Variants in IQSEC1 observed in about 807,000 individuals in gnomAD.
The protein encoded by IQSEC1 is IQ motif and SEC7 domain-containing protein 1.
Under a neutral mutation model 91.0 loss-of-function variants are expected in IQSEC1, and 31 were observed. The ratio of observed to expected loss-of-function variants is 0.34; its 90% confidence interval spans 0.26 to 0.46. The LOEUF is 0.46. Ranked by LOEUF, IQSEC1 falls within the 20% of genes least tolerant of loss-of-function variation. The pLI is 1.00. For synonymous variants in IQSEC1, 699 were observed against 662.6 expected (o/e 1.05, Z -0.84); for missense variants, 1,388 against 1,575.6 (o/e 0.88, Z 2.02).
intron 1 of IQSEC1, among the ~76,000 whole-genome samples, chr3:13,175,837 C>T (rs1201033068): frequency 6.6e-6 from 1 of 152,220 alleles, no homozygotes; most frequent in Admixed American, 6.5e-5. Flanking sequence ...GGCTGGCTCA[C>T]CTCTCGGGTC....
intron 1 of IQSEC1, among the ~76,000 whole-genome samples, chr3:13,069,510 G>A (rs1229018011): frequency 6.6e-6 from 1 of 152,198 alleles, no homozygotes; most frequent in Non-Finnish European, 1.5e-5. Flanking sequence ...AGCAGGTCAG[G>A]GCATCCCACC....
intron 2 of IQSEC1, among the ~76,000 whole-genome samples, chr3:13,149,014 C>T (rs1576272183): frequency 6.6e-6 from 1 of 152,256 alleles, no homozygotes; most frequent in South Asian, 2.1e-4. Context: ...TGGAAGGCAG[C>T]ATCCCCTGTC....
intron 1 of IQSEC1, among the ~76,000 whole-genome samples, chr3:13,022,921 C>T (rs948572505): frequency 6.6e-6 from 1 of 152,248 alleles, no homozygotes; most frequent in Non-Finnish European, 1.5e-5. Flanking sequence ...CCCCTCCGGC[C>T]TTAGTTTCAC....
At chr3:13,163,956 G>C (rs1267655392) in intron 2 of IQSEC1, among the ~76,000 whole-genome samples, 1 of 152,178 alleles carries the variant, frequency 6.6e-6, no homozygotes, top group East Asian at 1.9e-4. Flanking sequence ...CCAGGCCCTT[G>C]GGGCACACGC....
chr3:13,082,174 C>G (rs1705656296), intron 2 of IQSEC1, among the ~76,000 whole-genome samples: 1 of 152,162 alleles, frequency 6.6e-6, no homozygotes, highest in African/African-American at 2.4e-5. Context: ...TTGGGCAGAT[C>G]TCCAAAACTG....
chr3:13,225,491 T>A (rs1694736164), intron 1 of IQSEC1, among the ~76,000 whole-genome samples: 1 of 152,194 alleles, frequency 6.6e-6, no homozygotes, highest in African/African-American at 2.4e-5. Context: ...TGAAAGTTCA[T>A]CATAAATAGG....
rs886088040 is a variant in IQSEC1 at position 12,979,849 on chromosome 3, T to A, written c.24-37984A>T. ...GAATCGTTTCGCGGCCTGGATCTCA[T>A]ACTTCCTGAAACCCTGCTTGGTGGG... is the stretch of plus-strand genomic sequence containing the variant. On this transcript the variant is annotated intron_variant, in intron 1 of 13. Coordinates refer to ENST00000613206, the MANE Select transcript of IQSEC1 (RefSeq NM_001134382.3). The surrounding 1 kb of genome is among the most constrained non-coding windows in gnomAD (Gnocchi z 4.3). Among the ~76,000 whole-genome samples, 14 of 152,242 alleles carry A rather than the reference T, an allele frequency of 9.2e-5. No individual in the cohort carries two copies. Among genetic ancestry groups the A allele is most frequent in the Middle Eastern group, 3.4e-3 (1 of 294 alleles).
At chr3:13,266,080 C>T (rs1261883196) in intron 1 of IQSEC1, among the ~76,000 whole-genome samples, 1 of 151,940 alleles carries the variant, frequency 6.6e-6, no homozygotes, top group East Asian at 1.9e-4. Flanking sequence ...AGCGAGTGCT[C>T]CCACACCCCC....
At chr3:13,179,565 C>T (rs1292673834) in intron 1 of IQSEC1, among the ~76,000 whole-genome samples, 1 of 152,266 alleles carries the variant, frequency 6.6e-6, no homozygotes, top group African/African-American at 2.4e-5. Context: ...CTTAACAGAG[C>T]TTCAAAATGA....
intron 2 of IQSEC1, among the ~76,000 whole-genome samples, chr3:12,941,012 C>T (rs1360918196): frequency 6.6e-6 from 1 of 152,200 alleles, no homozygotes; most frequent in Non-Finnish European, 1.5e-5. Flanking sequence ...GGGAGGGGTG[C>T]AGTCTTCAAT....
intron 1 of IQSEC1, among the ~76,000 whole-genome samples, chr3:13,066,538 G>C (rs775820583): frequency 2.0e-5 from 3 of 152,390 alleles, no homozygotes; most frequent in Non-Finnish European, 2.9e-5. Context: ...CGGCAGAGGA[G>C]CCAGCATGGG....
chr3:13,163,399 C>T (rs1707215277), intron 2 of IQSEC1, among the ~76,000 whole-genome samples: 1 of 152,208 alleles, frequency 6.6e-6, no homozygotes, highest in Non-Finnish European at 1.5e-5. Context: ...TAACTGCCTC[C>T]TGGCCTCTCC....
intron 1 of IQSEC1, among the ~76,000 whole-genome samples, chr3:13,198,743 A>G (rs984820076): frequency 6.6e-6 from 1 of 152,206 alleles, no homozygotes; most frequent in African/African-American, 2.4e-5. Context: ...CTCCACCACA[A>G]GAAGAGGCTA....
intron 1 of IQSEC1, among the ~76,000 whole-genome samples, chr3:13,263,176 G>A (rs571530739): frequency 5.3e-5 from 8 of 152,160 alleles, no homozygotes; most frequent in South Asian, 2.1e-4. Flanking sequence ...CTTGAGCCTC[G>A]GAGGCAGAGG....
chr3:13,240,729 C>T (rs1017157437), intron 1 of IQSEC1, among the ~76,000 whole-genome samples: 1 of 152,164 alleles, frequency 6.6e-6, no homozygotes, highest in African/African-American at 2.4e-5. Context: ...AAGAAATGCT[C>T]ACAGCTGAAT....
chr3:13,133,695 G>C, intron 2 of IQSEC1, among the ~76,000 whole-genome samples: 1 of 152,222 alleles, frequency 6.6e-6, no homozygotes, highest in East Asian at 1.9e-4. Flanking sequence ...TGGGATGCTC[G>C]GGTTTCTAAA....
At chr3:13,263,430 G>C (rs1483383562) in intron 1 of IQSEC1, among the ~76,000 whole-genome samples, 4 of 83,234 alleles carry the variant, frequency 4.8e-5, no homozygotes, top group South Asian at 4.1e-4. Context: ...TTTTTTTTGG[G>C]GGGGGGGGGA....
intron 1 of IQSEC1, among the ~76,000 whole-genome samples, chr3:12,948,415 C>G (rs899148216): frequency 2.6e-5 from 4 of 152,158 alleles, no homozygotes; most frequent in Non-Finnish European, 4.4e-5. Context: ...GAGACCTGGA[C>G]CCAGACACCT....
intron 1 of IQSEC1, among the ~76,000 whole-genome samples, chr3:13,063,166 C>A (rs1402772640): frequency 6.6e-6 from 1 of 152,174 alleles, no homozygotes; most frequent in Admixed American, 6.5e-5. Context: ...ACACCACGCC[C>A]AGCCTGGCTT....
Sources: allele counts gnomAD v4.1 joint callset (sites outside exome capture counted in the v4.1 genomes callset), GRCh38; gene constraint gnomAD v4.1.1; non-coding constraint Gnocchi (gnomAD v3.1); transcripts MANE v1.5; gene names NCBI Gene and HGNC (gene_info 2026-07-23, HGNC 2026-07-21).